VAV3: variants seen among roughly 807,000 people sequenced by gnomAD.
The protein encoded by VAV3 is vav guanine nucleotide exchange factor 3.
VAV3 carries 94 observed loss-of-function variants against 131.2 expected under a neutral mutation model. The observed-to-expected ratio is 0.72, with a 90% CI of 0.61 to 0.85. The LOEUF is 0.85. Among genes scored for constraint, VAV3 ranks in the 40% least tolerant of loss-of-function variants. The probability of loss-of-function intolerance (pLI) is 0.00; values close to 1 mark genes in which losing one functional copy is unlikely to be tolerated. For missense variants in VAV3, 939 were observed against 1,002.7 expected, an observed-to-expected ratio of 0.94 and a Z score of 0.86; for synonymous variants, 349 against 342.0, an observed-to-expected ratio of 1.02 and a Z score of -0.22.
intron 2 of VAV3, among the ~76,000 whole-genome samples, chr1:107,791,057 A>C (rs2102271793): frequency 6.6e-6 from 1 of 152,226 alleles, no homozygotes; most frequent in South Asian, 2.1e-4. Flanking sequence ...TGAGTTCTAT[A>C]CATCGATAGT....
chr1:107,888,951 A>G (rs1396894374), intron 1 of VAV3, among the ~76,000 whole-genome samples: 1 of 152,142 alleles, frequency 6.6e-6, no homozygotes, highest in African/African-American at 2.4e-5. Flanking sequence ...ACATTTTACA[A>G]TCGGCGGCTT....
intron 17 of VAV3, among the ~76,000 whole-genome samples, chr1:107,694,031 G>A (rs930589776): frequency 2.6e-5 from 4 of 152,196 alleles, no homozygotes; most frequent in Non-Finnish European, 5.9e-5. Context: ...CTGATTAGAA[G>A]GGAGCTACTC....
intron 1 of VAV3, among the ~76,000 whole-genome samples, chr1:107,903,083 G>A (rs891694437): frequency 9.9e-5 from 15 of 152,072 alleles, no homozygotes; most frequent in Non-Finnish European, 1.9e-4. Flanking sequence ...ACAAAGTCAG[G>A]TGACACAAAA....
Position 107,574,235 on chromosome 1 carries a change from A to G in VAV3, c.2351-37T>C, listed in dbSNP as rs757588315. On this transcript the variant is annotated intron_variant, in intron 25 of 26. Coordinates refer to ENST00000370056, the MANE Select transcript of VAV3 (RefSeq NM_006113.5). The stretch of plus-strand genomic sequence containing the variant: ...TGACAAGCAATGACAGTAGGTTTGC[A>G]GTTCGTTAACAACCATAACAACCTA... 12 of 1,603,162 alleles carry G rather than the reference A, an allele frequency of 7.5e-6. No homozygotes were observed. The African/African-American group carries it at 1.1e-4, about 14-fold the overall frequency.
intron 1 of VAV3, among the ~76,000 whole-genome samples, chr1:107,902,429 T>C (rs2101092075): frequency 1.3e-5 from 2 of 152,374 alleles, no homozygotes; most frequent in South Asian, 2.1e-4. Context: ...TAAGCAATTA[T>C]ATAATGTTTC....
At chr1:107,780,006 C>A (rs1348032385) in intron 2 of VAV3, among the ~76,000 whole-genome samples, 1 of 152,212 alleles carries the variant, frequency 6.6e-6, no homozygotes, top group East Asian at 1.9e-4. Context: ...TCCATCATCA[C>A]AGAAAGTTCT....
At chr1:107,777,063 C>A (rs759445936) in intron 4 of VAV3, among the ~76,000 whole-genome samples, 168 bp downstream of exon 4, 3 of 152,150 alleles carry the variant, frequency 2.0e-5, no homozygotes, top group Non-Finnish European at 4.4e-5. Context: ...AACTAAAAAC[C>A]AGTTGAAGTA....
chr1:107,887,352 T>C (rs2101050272), intron 1 of VAV3, among the ~76,000 whole-genome samples: 1 of 152,362 alleles, frequency 6.6e-6, no homozygotes, highest in East Asian at 1.9e-4. Flanking sequence ...AAAACAGCAA[T>C]ATCAATAATA....
At chr1:107,602,821 AAC>A (rs1403639222) in intron 23 of VAV3, among the ~76,000 whole-genome samples, 2 of 152,180 alleles carry the variant, frequency 1.3e-5, no homozygotes, top group African/African-American at 4.8e-5. Context: ...AAACCACCAA[AAC>A]ACAATATTAT....
chr1:107,716,063 G>A (rs1423483120), intron 15 of VAV3, among the ~76,000 whole-genome samples: 1 of 152,126 alleles, frequency 6.6e-6, no homozygotes, highest in Non-Finnish European at 1.5e-5. Flanking sequence ...ATTCTAAAAT[G>A]ATTATGTACA....
At chr1:107,575,556 C>A (rs1649586887) in intron 25 of VAV3, among the ~76,000 whole-genome samples, 1 of 152,114 alleles carries the variant, frequency 6.6e-6, no homozygotes, top group Non-Finnish European at 1.5e-5. Flanking sequence ...AGGACACAAA[C>A]CACTTTAATA....
chr1:107,941,248 G>A (rs1673978331), intron 1 of VAV3, among the ~76,000 whole-genome samples: 1 of 152,132 alleles, frequency 6.6e-6, no homozygotes, highest in Non-Finnish European at 1.5e-5. Flanking sequence ...CTTCTTCTGA[G>A]TCCCATGTTT....
At chr1:107,690,808 A>G (rs1415242723) in intron 17 of VAV3, among the ~76,000 whole-genome samples, 1 of 152,076 alleles carries the variant, frequency 6.6e-6, no homozygotes, top group Admixed American at 6.6e-5. Flanking sequence ...TCTCCTTGCT[A>G]TCCCTTCCTG....
At chr1:107,804,774 G>A (rs951016259) in intron 2 of VAV3, among the ~76,000 whole-genome samples, 4 of 151,674 alleles carry the variant, frequency 2.6e-5, no homozygotes, top group African/African-American at 9.7e-5. Flanking sequence ...TTTTTTGTTT[G>A]TTTGTTTTGC....
chr1:107,792,216 T>C (rs969588353), intron 2 of VAV3, among the ~76,000 whole-genome samples: 4 of 152,324 alleles, frequency 2.6e-5, no homozygotes, highest in African/African-American at 9.6e-5. Flanking sequence ...CTAAAGCAAG[T>C]GTTGAGTATT....
chr1:107,699,485 G>A (rs917066026), intron 17 of VAV3, among the ~76,000 whole-genome samples: 3 of 152,238 alleles, frequency 2.0e-5, no homozygotes, highest in African/African-American at 7.2e-5. Flanking sequence ...TCCAGGCACA[G>A]TGCAAACTGT....
At chr1:107,918,860 C>A (rs914623786) in intron 1 of VAV3, among the ~76,000 whole-genome samples, 1 of 151,718 alleles carries the variant, frequency 6.6e-6, no homozygotes, top group African/African-American at 2.4e-5. Flanking sequence ...CATCCACCAC[C>A]ATGCCCAGCT....
chr1:107,696,498 C>A (rs927895575), intron 17 of VAV3, among the ~76,000 whole-genome samples: 7 of 152,154 alleles, frequency 4.6e-5, no homozygotes, highest in Admixed American at 2.0e-4. Flanking sequence ...TATAACAACT[C>A]CTACTAGTCA....
chr1:107,828,008 C>G (rs1330318342), intron 2 of VAV3, among the ~76,000 whole-genome samples: 1 of 152,164 alleles, frequency 6.6e-6, no homozygotes. Flanking sequence ...CCAGACTCAA[C>G]ACACCCCAAG....
Sources: gnomAD v4.1 joint callset for allele counts (sites outside exome capture counted in the v4.1 genomes callset) on GRCh38, gnomAD v4.1.1 for gene constraint, MANE v1.5 for transcripts, NCBI Gene and HGNC (gene_info 2026-07-23, HGNC 2026-07-21) for gene names.